FAM227B: variants seen among roughly 807,000 people sequenced by gnomAD.
FAM227B encodes protein FAM227B.
FAM227B carries 88 observed loss-of-function variants against 73.8 expected under a neutral mutation model. The observed-to-expected ratio is 1.19, with a 90% confidence interval of 1.00 to 1.42. FAM227B has a LOEUF of 1.42. Ranked by LOEUF, FAM227B falls within the 40% of genes most tolerant of loss-of-function variation. FAM227B has a pLI of 0.00. For synonymous variants in FAM227B, 210 were observed against 190.5 expected, an observed-to-expected ratio of 1.10 and a Z score of -0.84; for missense variants, 632 against 590.9, an observed-to-expected ratio of 1.07 and a Z score of -0.72.
chr15:49,354,590 G>C (rs985355966), intron 13 of FAM227B, among the ~76,000 whole-genome samples: 4 of 152,184 alleles, frequency 2.6e-5, no homozygotes, highest in African/African-American at 9.7e-5. Flanking sequence ...TGGCTGGAAG[G>C]GTCCTACGCC....
At chr15:49,382,537 C>CA (rs2046612138) in intron 11 of FAM227B, among the ~76,000 whole-genome samples, 1 of 151,922 alleles carries the variant, frequency 6.6e-6, no homozygotes, top group Non-Finnish European at 1.5e-5. Flanking sequence ...TGTCCACTTA[C>CA]AAAGGTACCT....
chr15:49,463,868 TATC>T (rs1342122587), intron 11 of FAM227B, among the ~76,000 whole-genome samples: 7 of 152,214 alleles, frequency 4.6e-5, no homozygotes, highest in Non-Finnish European at 2.9e-5. Context: ...AGCACAGAAA[TATC>T]GTTTTTTAGA....
intron 9 of FAM227B, among the ~76,000 whole-genome samples, chr15:49,564,350 C>T (rs1352592181): frequency 6.6e-6 from 1 of 152,078 alleles, no homozygotes; most frequent in Admixed American, 6.5e-5. Flanking sequence ...GCTGGCAAGG[C>T]TGCAGAGAAA....
At chr15:49,491,324 T>C (rs915814306) in intron 11 of FAM227B, among the ~76,000 whole-genome samples, 8 of 151,968 alleles carry the variant, frequency 5.3e-5, no homozygotes, top group African/African-American at 1.7e-4. Flanking sequence ...CAGTCACCAA[T>C]TGAAGACCCA....
intron 3 of FAM227B, among the ~76,000 whole-genome samples, chr15:49,591,588 C>T (rs1464445294): frequency 7.0e-6 from 1 of 143,056 alleles, no homozygotes; most frequent in East Asian, 2.1e-4. Flanking sequence ...AAGGTTCAAG[C>T]GATTCTCCTG....
At chr15:49,549,450 T>G (rs1182391886) in intron 9 of FAM227B, among the ~76,000 whole-genome samples, 1 of 152,070 alleles carries the variant, frequency 6.6e-6, no homozygotes, top group Non-Finnish European at 1.5e-5. Flanking sequence ...TCTCTGGTTT[T>G]CCTAGGCAGA....
At chr15:49,591,045 A>ATTTTTTTTTTTTTTTTTTTTTTTTAT (rs748799826) in intron 3 of FAM227B, among the ~76,000 whole-genome samples, 1 of 72,564 alleles carries the variant, frequency 1.4e-5, no homozygotes, top group Non-Finnish European at 2.5e-5. Flanking sequence ...TTTTTTTTTG[A>ATTTTTTTTTTTTTTTTTTTTTTTTAT]TTTTTTTTTT....
At chr15:49,385,365 C>A (rs2046814734) in intron 11 of FAM227B, among the ~76,000 whole-genome samples, 1 of 151,752 alleles carries the variant, frequency 6.6e-6, no homozygotes, top group Admixed American at 6.6e-5. Context: ...AGCCTGTTTC[C>A]TCAAACATAA....
chr15:49,467,623 C>T (rs2054380196), intron 11 of FAM227B, among the ~76,000 whole-genome samples: 1 of 152,080 alleles, frequency 6.6e-6, no homozygotes, highest in Non-Finnish European at 1.5e-5. Flanking sequence ...ATAATATCCA[C>T]ACCTATTCTG....
chr15:49,329,084 C>T, intron 15 of FAM227B: 1 of 996,466 alleles, frequency 1.0e-6, no homozygotes, highest in Non-Finnish European at 1.2e-6. Flanking sequence ...AAATTCCACA[C>T]ATTCCTTATA....
intron 11 of FAM227B, among the ~76,000 whole-genome samples, chr15:49,432,035 T>C (rs1410645885): frequency 2.0e-5 from 3 of 151,748 alleles, no homozygotes; most frequent in African/African-American, 7.2e-5. Flanking sequence ...ACTGTAATAA[T>C]CTTTGCTTAT....
chr15:49,569,026 G>A (rs919321662), intron 8 of FAM227B, among the ~76,000 whole-genome samples: 1 of 151,754 alleles, frequency 6.6e-6, no homozygotes, highest in African/African-American at 2.4e-5. Context: ...TTCTTTGATG[G>A]GAGGTTTTTG....
At position 49,562,931 on chromosome 15, in the gene FAM227B, A is replaced by C. The variant is rs2074372230; in HGVS notation, c.747+5314T>G. On this transcript the variant is annotated intron_variant, in intron 9 of 15. Transcript: ENST00000299338. ...AAAGCTGGGAGCATTCCCCATAAGA[A>C]CCAAAAAAAGGCAAGGATGCCCACA... Among the ~76,000 whole-genome samples, 4 of 152,210 alleles carry C rather than the reference A, an allele frequency of 2.6e-5. No homozygotes were observed. In the South Asian group the frequency reaches 8.3e-4, roughly 32 times the overall value.
chr15:49,418,351 C>A (rs940334477), intron 11 of FAM227B, among the ~76,000 whole-genome samples: 15 of 152,238 alleles, frequency 9.9e-5, no homozygotes, highest in Non-Finnish European at 1.5e-5. Flanking sequence ...ACCATAAAGA[C>A]ACATGCATGT....
intron 9 of FAM227B, among the ~76,000 whole-genome samples, chr15:49,556,797 T>G (rs1483836471): frequency 6.6e-6 from 1 of 152,180 alleles, no homozygotes; most frequent in African/African-American, 2.4e-5. Flanking sequence ...TATGGGTATT[T>G]CTGGTTGTGC....
chr15:49,538,110 T>C (rs1386880020), intron 10 of FAM227B, among the ~76,000 whole-genome samples: 1 of 151,494 alleles, frequency 6.6e-6, no homozygotes, highest in Non-Finnish European at 1.5e-5. Context: ...TACAAGGGAG[T>C]GTGGTGGCTT....
intron 11 of FAM227B, among the ~76,000 whole-genome samples, chr15:49,504,334 G>C (rs1365454408): frequency 6.6e-6 from 1 of 151,550 alleles, no homozygotes; most frequent in Non-Finnish European, 1.5e-5. Flanking sequence ...TAAATGACGA[G>C]TTAATGGGTG....
In FAM227B at chr15:49,377,245, A is replaced by G. The variant is rs1185766102; in HGVS notation, c.1013-5846T>C. On this transcript the variant is annotated intron_variant, in intron 11 of 15. Coordinates refer to ENST00000299338, the MANE Select transcript of FAM227B (RefSeq NM_152647.3). ...AGTACTCCATTGTGTATATGTACACATTTTCTTATTCTTTCATCTATTGAT... is the reference window on the plus strand; with the variant it reads ...AGTACTCCATTGTGTATATGTACACGTTTTCTTATTCTTTCATCTATTGAT... Among the ~76,000 whole-genome samples, 4 of 151,984 alleles carry G rather than the reference A, an allele frequency of 2.6e-5. 1 individual carries two copies. Among genetic ancestry groups the G allele is most frequent in the African/African-American group, 9.7e-5 (4 of 41,380 alleles).
At chr15:49,480,345 C>T (rs1490558714) in intron 11 of FAM227B, among the ~76,000 whole-genome samples, 2 of 152,078 alleles carry the variant, frequency 1.3e-5, no homozygotes, top group African/African-American at 2.4e-5. Flanking sequence ...GAGCCTCACT[C>T]CACCCACACT....
Sources: allele counts gnomAD v4.1 joint callset (sites outside exome capture counted in the v4.1 genomes callset), GRCh38; gene constraint gnomAD v4.1.1; transcripts MANE v1.5; gene names NCBI Gene and HGNC (gene_info 2026-07-23, HGNC 2026-07-21).